The following PACS1 variants were observed in gnomAD, a reference collection of about 807,000 sequenced individuals.
PACS1 encodes the protein PACS-1.
A neutral mutation model predicts 115.0 loss-of-function variants in PACS1; 24 were observed. The ratio of observed to expected loss-of-function variants is 0.21; its 90% CI spans 0.15 to 0.29. PACS1 has a LOEUF of 0.29. PACS1 is among the 10% of genes least tolerant of loss of function. The pLI, the probability that PACS1 is intolerant of heterozygous loss-of-function variation, is 1.00. For synonymous variants in PACS1, 453 were observed against 504.5 expected (o/e 0.90, Z 1.37); for missense variants, 838 against 1,251.2 (o/e 0.67, Z 4.98).
chr11:66,238,632 C>A, intron 19 of PACS1, 172 bp from the exon 20 acceptor site: 1 of 640,600 alleles, frequency 1.6e-6, no homozygotes, highest in Non-Finnish European at 2.7e-6. Context: ...TCCCAAAGTG[C>A]TGGGATTACA....
At chr11:66,148,434 C>T (rs548121886) in intron 1 of PACS1, among the ~76,000 whole-genome samples, 1 of 152,230 alleles carries the variant, frequency 6.6e-6, no homozygotes, top group South Asian at 2.1e-4. Context: ...GGTGTGAGCA[C>T]CATGCCTGGC....
intron 1 of PACS1, among the ~76,000 whole-genome samples, chr11:66,168,823 A>G (rs1259726237): frequency 6.7e-6 from 1 of 148,752 alleles, no homozygotes; most frequent in Non-Finnish European, 1.5e-5. Context: ...ACATTTTTAA[A>G]TTCTTTGTTG....
intron 1 of PACS1, among the ~76,000 whole-genome samples, chr11:66,172,619 A>G (rs773514381): frequency 7.9e-5 from 12 of 152,164 alleles, no homozygotes; most frequent in Non-Finnish European, 1.8e-4. Flanking sequence ...CAACCTCACA[A>G]GAGATCCTGA....
chr11:66,153,141 TG>T (rs559384586), intron 1 of PACS1, among the ~76,000 whole-genome samples: 192 of 152,110 alleles, frequency 1.3e-3, no homozygotes, highest in Non-Finnish European at 2.4e-3. Flanking sequence ...TTTTTTGAGA[TG>T]GGGGTCTCAC....
chr11:66,101,847 G>T (rs1215924797), intron 1 of PACS1, among the ~76,000 whole-genome samples: 1 of 152,190 alleles, frequency 6.6e-6, no homozygotes, highest in Non-Finnish European at 1.5e-5. Context: ...GTCTCGCTTA[G>T]CATCACTTGC....
intron 14 of PACS1, among the ~76,000 whole-genome samples, chr11:66,232,593 T>TAGAGAAGCACC (rs1211595391): frequency 6.6e-6 from 1 of 152,166 alleles, no homozygotes. Flanking sequence ...CGGAGGCCTG[T>TAGAGAAGCACC]AGAGAAGCAC....
At chr11:66,098,329 G>T (rs1448379307) in intron 1 of PACS1, among the ~76,000 whole-genome samples, 1 of 152,130 alleles carries the variant, frequency 6.6e-6, no homozygotes, top group Non-Finnish European at 1.5e-5. Context: ...GTTTGTGTGT[G>T]TATCTGATAG....
intron 1 of PACS1, among the ~76,000 whole-genome samples, chr11:66,138,963 G>GGTA (rs34238902): frequency 0.47 from 70,578 of 151,564 alleles, 17,879 homozygotes; most frequent in South Asian, 0.63. Context: ...TTACAGGTGT[G>GGTA]AGCCACTGTG....
At chr11:66,131,018 C>A (rs1750557661) in intron 1 of PACS1, among the ~76,000 whole-genome samples, 1 of 152,082 alleles carries the variant, frequency 6.6e-6, no homozygotes, top group African/African-American at 2.4e-5. Context: ...CTGCAGTGAG[C>A]CTTGATTGTG....
chr11:66,083,905 A>G (rs545098779), intron 1 of PACS1: 1 of 152,232 alleles, frequency 6.6e-6, no homozygotes, highest in Non-Finnish European at 1.5e-5. Context: ...AAGTCTTTGT[A>G]ACTCTTCCTG....
At chr11:66,214,421 AAGAG>A (rs1855149546) in intron 4 of PACS1, among the ~76,000 whole-genome samples, 1 of 152,008 alleles carries the variant, frequency 6.6e-6, no homozygotes, top group African/African-American at 2.4e-5. Flanking sequence ...ACCCAGACTC[AAGAG>A]CAAGTTTCTC....
At chr11:66,095,406 GACAA>G (rs574817251) in intron 1 of PACS1, among the ~76,000 whole-genome samples, 2 of 152,142 alleles carry the variant, frequency 1.3e-5, no homozygotes, top group Non-Finnish European at 2.9e-5. Context: ...ACCAATAACA[GACAA>G]ACAGAGAGCC....
At chr11:66,209,053 T>A (rs544523981) in intron 2 of PACS1, among the ~76,000 whole-genome samples, 14 of 152,318 alleles carry the variant, frequency 9.2e-5, no homozygotes, top group South Asian at 4.1e-4. Flanking sequence ...CTCATGGATC[T>A]TGAAGTTTAG....
At chr11:66,080,517 G>A (rs1327339755) in intron 1 of PACS1, among the ~76,000 whole-genome samples, 1 of 152,172 alleles carries the variant, frequency 6.6e-6, no homozygotes, top group African/African-American at 2.4e-5. Context: ...AGCATTTACT[G>A]TGTGCCACAA....
chr11:66,192,883 G>A (rs899652398), intron 1 of PACS1, among the ~76,000 whole-genome samples: 2 of 152,214 alleles, frequency 1.3e-5, no homozygotes, highest in African/African-American at 4.8e-5. Flanking sequence ...TGGCACTGAA[G>A]ATTTTCTGCA....
chr11:66,156,098 A>G (rs367610291), intron 1 of PACS1, among the ~76,000 whole-genome samples: 84 of 151,434 alleles, frequency 5.5e-4, no homozygotes, highest in African/African-American at 2.0e-3. Flanking sequence ...GGTGATGGAA[A>G]TGCTCAGTGT....
At chr11:66,091,279 T>A (rs1180650404) in intron 1 of PACS1, among the ~76,000 whole-genome samples, 1 of 151,118 alleles carries the variant, frequency 6.6e-6, no homozygotes, top group Middle Eastern at 3.2e-3. Flanking sequence ...TCTCTAGGAT[T>A]ACAGGTGTGT....
chr11:66,238,993 G>T, intron 20 of PACS1, 147 bp downstream of exon 20: 3 of 1,383,822 alleles, frequency 2.2e-6, no homozygotes, highest in Non-Finnish European at 1.0e-6. Flanking sequence ...TCACTCCCCT[G>T]CTGCGGTGGT....
At chr11:66,215,338 C>T (rs1855176115) in intron 4 of PACS1, among the ~76,000 whole-genome samples, 2 of 152,062 alleles carry the variant, frequency 1.3e-5, no homozygotes, top group South Asian at 4.1e-4. Context: ...TGCAGTGGCT[C>T]ACGCCTGTAA....
Sources: gnomAD v4.1 joint callset for allele counts (sites outside exome capture counted in the v4.1 genomes callset) on GRCh38, gnomAD v4.1.1 for gene constraint, MANE v1.5 for transcripts, NCBI Gene and HGNC (gene_info 2026-07-23, HGNC 2026-07-21) for gene names.